Variants in ADNP observed in about 807,000 individuals in gnomAD.
The protein encoded by ADNP is activity-dependent neuroprotector homeobox protein.
A neutral mutation model predicts 84.9 loss-of-function variants in ADNP; 4 were observed. That is an observed-to-expected ratio of 0.05 (90% CI 0.02 to 0.11). The LOEUF is 0.11. Among genes scored for constraint, ADNP ranks in the 10% least tolerant of loss-of-function variants. ADNP has a pLI of 1.00. For synonymous variants in ADNP, 554 were observed against 468.1 expected (o/e 1.18, Z -2.37); for missense variants, 1,132 against 1,326.0 (o/e 0.85, Z 2.27).
At chr20:50,914,028 TGTCA>T in intron 2 of ADNP, 1 of 754,850 alleles carries the variant, frequency 1.3e-6, no homozygotes, top group African/African-American at 1.7e-5. Flanking sequence ...AAGTGAATGC[TGTCA>T]ATCAAAATGG....
At chr20:50,903,791 C>G in intron 4 of ADNP, 98 bp downstream of exon 4, 1 of 859,044 alleles carries the variant, frequency 1.2e-6, no homozygotes, top group African/African-American at 1.7e-5. Context: ...GGCTGAAATT[C>G]AGAATCACAT....
chr20:50,929,696 C>G (rs757896418), intron 1 of ADNP, among the ~76,000 whole-genome samples: 3 of 151,998 alleles, frequency 2.0e-5, no homozygotes, highest in Admixed American at 6.5e-5. Context: ...TCTAAAGAAA[C>G]TGTATCAAGC....
chr20:50,893,700 G>A lies in ADNP; in HGVS notation c.1014C>T (p.Gly338=). Reference sequence around the variant, plus strand: ...TTGACTGACCAACACTGTAACCCTGGCCTACAGATTTGACTCCATAGTTGT... The same window carrying A: ...TTGACTGACCAACACTGTAACCCTGACCTACAGATTTGACTCCATAGTTGT... ...QQNNYGVKSV[G]QGYSVGQSMR... Residue 338 remains glycine, a synonymous_variant, in exon 6 of 6, where the codon GGC becomes GGT. Transcript: ENST00000621696. This position sits in a 1 kb window ranked among gnomAD's most constrained non-coding sequence, Gnocchi z 4.4. 1.2e-6 allele frequency: 2 copies of A among 1,614,052 alleles called. No homozygotes were observed. The highest frequency in any genetic ancestry group is 1.6e-4 in the Middle Eastern group (1 of 6,062).
chr20:50,913,250 CAAAAAAAAAAAAAAAAAAAAAAAAAAA>C (rs56911332), intron 2 of ADNP, among the ~76,000 whole-genome samples: 1 of 42,892 alleles, frequency 2.3e-5, no homozygotes, highest in Non-Finnish European at 4.6e-5. Context: ...GACTCTGTCT[CAAAAAAAAAAAAAAAAAAAAAAAAAAA>C]AAAAAAAAAA....
chr20:50,889,867 T>C lies in ADNP; in HGVS notation c.*1538A>G, dbSNP rs1980474881. 2.5e-6 allele frequency: 1 copy of C among 398,478 alleles called. No individual in the cohort carries two copies. The highest frequency in any genetic ancestry group is 4.4e-6 in the Non-Finnish European group (1 of 226,034). 24.7% of individuals were successfully genotyped at this position (398,478 alleles called of 1,614,324 possible). On this transcript the variant is annotated 3_prime_UTR_variant, in exon 6 of 6. Coordinates refer to ENST00000621696, the MANE Select transcript of ADNP (RefSeq NM_001282531.3). The stretch of plus-strand genomic sequence containing the variant: ...GTGCTCTTCAAAGCCTTTCCCTTAA[T>C]AGCAAGAGGGCCAAGAGTGGCAAAT...
intron 2 of ADNP, among the ~76,000 whole-genome samples, chr20:50,917,863 T>C (rs540867329): frequency 2.6e-4 from 39 of 152,272 alleles, no homozygotes; most frequent in South Asian, 8.3e-4. Flanking sequence ...TAATGGGATA[T>C]GATTGAACCA....
intron 2 of ADNP, among the ~76,000 whole-genome samples, chr20:50,911,287 A>G (rs1235582148): frequency 6.6e-6 from 1 of 152,090 alleles, no homozygotes; most frequent in Non-Finnish European, 1.5e-5. Context: ...CTTTGCCTAG[A>G]CCAATGTCCA....
intron 5 of ADNP, among the ~76,000 whole-genome samples, chr20:50,901,172 A>AT (rs1600950713): frequency 6.6e-6 from 1 of 152,146 alleles, no homozygotes; most frequent in Non-Finnish European, 1.5e-5. Flanking sequence ...CCATGATGAA[A>AT]TACTCTGCTT....
chr20:50,893,793 G>C lies in ADNP; in HGVS notation c.921C>G (p.Leu307=), dbSNP rs772948560. ...AATTTAAGTTAGGCTTTGGTATTGA[G>C]AGTCGATTCACCATCTGCTGTGATG... ...SLPSQQMVNR[L]SIPKPNLNST... The change falls in exon 6 of 6, where the codon CTC becomes CTG. Residue 307 remains leucine, a synonymous_variant. Transcript: ENST00000621696. This position sits in a 1 kb window ranked among gnomAD's most constrained non-coding sequence, Gnocchi z 4.4. The C allele has an allele frequency of 3.1e-5, 50 of 1,614,062 alleles. No homozygotes were observed. Among genetic ancestry groups the C allele is most frequent in the Non-Finnish European group, 3.9e-5 (46 of 1,180,052 alleles).
Position 50,890,055 on chromosome 20 carries a change from A to ACATTTACATATATATG in ADNP, c.*1334_*1349dup. 2.9e-6 allele frequency: 1 copy of ACATTTACATATATATG among 345,178 alleles called. No individual in the cohort carries two copies. Among genetic ancestry groups the ACATTTACATATATATG allele is most frequent in the Non-Finnish European group, 5.2e-6 (1 of 192,744 alleles). 21.4% of individuals were successfully genotyped at this position (345,178 alleles called of 1,614,324 possible). ...TTACATTTTTTTTTTTATCATTGAG[A>ACATTTACATATATATG]CATTTACATATATATGCAGGCTCTG... On this transcript the variant is annotated 3_prime_UTR_variant, in exon 6 of 6. Transcript: ENST00000621696.
rs548229166 is a variant in ADNP at position 50,917,034 on chromosome 20, C to T, written c.-90+11617G>A. On this transcript the variant is annotated intron_variant, in intron 2 of 5. Coordinates refer to ENST00000621696, the MANE Select transcript of ADNP (RefSeq NM_001282531.3). ...GCTGCCTAATCTAAACTCTTCTCAT[C>T]CTACAAATTAGCAGCTGAGGTGAAG... Among the ~76,000 whole-genome samples the T allele has an allele frequency of 1.6e-4, 25 of 152,298 alleles. No individual in the cohort carries two copies. The East Asian group carries it at 3.1e-3, about 19-fold the overall frequency.
intron 2 of ADNP, among the ~76,000 whole-genome samples, chr20:50,910,716 A>G (rs148355430): frequency 1.2e-3 from 188 of 152,332 alleles, no homozygotes; most frequent in African/African-American, 4.4e-3. Flanking sequence ...GTGCAGTGGT[A>G]TGATCACAGC....
rs148496595 is a variant in ADNP at position 50,891,942 on chromosome 20, C to G, written c.2772G>C (p.Glu924Asp). The G allele has an allele frequency of 2.6e-4, 420 of 1,614,204 alleles. 1 individual carries two copies. Among genetic ancestry groups the G allele is most frequent in the East Asian group, 2.3e-3 (103 of 44,878 alleles). The change falls in exon 6 of 6, where the codon GAG becomes GAC. Residue 924 changes from glutamate (E) to aspartate (D), a missense_variant. By Grantham distance (45) the Glu-to-Asp change is conservative. Coordinates refer to ENST00000621696, the MANE Select transcript of ADNP (RefSeq NM_001282531.3). The stretch of plus-strand genomic sequence containing the variant: ...CATCCTCTTTTTGGTCTAGCTTCTC[C>G]TCAGATTCTGAAGCATCCTCAGGAA... ...KVIPEDASES[E>D]EKLDQKEDGS...
In ADNP at chr20:50,893,719, T is replaced by C. The variant is rs372148600; in HGVS notation, c.995A>G (p.Tyr332Cys). The C allele has an allele frequency of 3.7e-6, 6 of 1,614,146 alleles. No homozygotes were observed. The highest frequency in any genetic ancestry group is 1.1e-5 in the South Asian group (1 of 91,074). ...MSSVHLQQNNYGVKSVGQGYS... is the reference protein window; with the variant it reads ...MSSVHLQQNNCGVKSVGQGYS... ...ACCCTGGCCTACAGATTTGACTCCA[T>C]AGTTGTTCTGCTGCAGATGAACACT... The change falls in exon 6 of 6, where the codon TAT (tyrosine) becomes TGT (cysteine). Residue 332 changes from tyrosine (Y) to cysteine (C), a missense_variant. By Grantham distance (194) the Tyr-to-Cys change is radical (BLOSUM62 -2). This residue lies in a region of ADNP where 239 missense variants were observed against 213.2 expected (regional missense o/e 1.12). Coordinates refer to ENST00000621696, the MANE Select transcript of ADNP (RefSeq NM_001282531.3). This position sits in a 1 kb window ranked among gnomAD's most constrained non-coding sequence, Gnocchi z 4.4.
At chr20:50,916,351 T>C (rs548503026) in intron 2 of ADNP, among the ~76,000 whole-genome samples, 1 of 152,224 alleles carries the variant, frequency 6.6e-6, no homozygotes, top group Non-Finnish European at 1.5e-5. Context: ...GGACAGCTTC[T>C]GTTCACAAGT....
At chr20:50,903,653 C>A (rs1331982402) in intron 4 of ADNP, among the ~76,000 whole-genome samples, 1 of 152,198 alleles carries the variant, frequency 6.6e-6, no homozygotes, top group Non-Finnish European at 1.5e-5. Context: ...GCACCTAGTT[C>A]AACGCCTGAC....
In ADNP at chr20:50,892,859, C is replaced by A. The variant is rs1057522545; in HGVS notation, c.1855G>T (p.Val619Phe). 6.2e-7 allele frequency: 1 copy of A among 1,614,252 alleles called. No individual in the cohort carries two copies. The highest frequency in any genetic ancestry group is 8.5e-7 in the Non-Finnish European group (1 of 1,180,048). The change falls in exon 6 of 6, where the codon GTT (valine) becomes TTT (phenylalanine). Residue 619 changes from valine to phenylalanine, a missense_variant. Transcript: ENST00000621696. ...PQAAVPYKKDVGKTLCPLCFS... is the reference protein window; with the variant it reads ...PQAAVPYKKDFGKTLCPLCFS... The stretch of plus-strand genomic sequence containing the variant: ...CAAAGAGGACAAAGGGTTTTCCCAA[C>A]ATCTTTTTTATAGGGCACTGCAGCT...
intron 2 of ADNP, among the ~76,000 whole-genome samples, chr20:50,917,551 T>C (rs1272140298): frequency 2.0e-5 from 3 of 152,216 alleles, no homozygotes; most frequent in African/African-American, 7.2e-5. Flanking sequence ...TCCCCTTTAT[T>C]ATCTTCCCAT....
chr20:50,889,076 CT>C lies in ADNP; in HGVS notation c.*2328del, dbSNP rs1980374451. On this transcript the variant is annotated 3_prime_UTR_variant, in exon 6 of 6. Transcript: ENST00000621696. ...TTTTAAAATGGCTTTTATTGAGACA[CT>C]TGTAGGGATTCTGCAACATTTCCAG... The C allele has an allele frequency of 6.6e-6, 1 of 152,180 alleles. No homozygotes were observed. 9.4% of individuals were successfully genotyped at this position (152,180 alleles called of 1,614,324 possible). A position where few individuals can be genotyped will look rare whatever the true frequency, so the allele number is the denominator to read the frequency against.
Sources: gnomAD v4.1 joint callset for allele counts (sites outside exome capture counted in the v4.1 genomes callset) on GRCh38, gnomAD v4.1.1 for gene constraint, gnomAD v4.1.1 regional missense constraint, Gnocchi (gnomAD v3.1) non-coding constraint, MANE v1.5 for transcripts, NCBI Gene and HGNC (gene_info 2026-07-23, HGNC 2026-07-21) for gene names.